Variants in PTK7 observed in about 807,000 individuals in gnomAD.
PTK7 encodes inactive tyrosine-protein kinase 7.
PTK7 carries 39 observed loss-of-function variants against 116.6 expected under a neutral mutation model. The observed-to-expected ratio is 0.33, with a 90% CI of 0.26 to 0.44. PTK7 has a LOEUF of 0.44. PTK7 is among the 20% of genes least tolerant of loss of function. PTK7 has a pLI of 1.00. For synonymous variants in PTK7, 546 were observed against 563.6 expected (o/e 0.97, Z 0.44); for missense variants, 1,169 against 1,425.6 (o/e 0.82, Z 2.90).
chr6:43,127,198 C>T (rs1038439832), intron 1 of PTK7, among the ~76,000 whole-genome samples: 1 of 152,228 alleles, frequency 6.6e-6, no homozygotes, highest in African/African-American at 2.4e-5. Context: ...CCTTGCCCAG[C>T]CAGTTTGGCT....
chr6:43,153,496 A>G (rs560935680), intron 17 of PTK7, among the ~76,000 whole-genome samples: 1 of 150,748 alleles, frequency 6.6e-6, no homozygotes, highest in East Asian at 2.0e-4. Context: ...TGCAGCCTCG[A>G]CCTGTGGAGC....
At chr6:43,108,613 G>T (rs1320181036) in intron 1 of PTK7, among the ~76,000 whole-genome samples, 2 of 152,168 alleles carry the variant, frequency 1.3e-5, no homozygotes, top group South Asian at 2.1e-4. Context: ...TGTTGCCCAG[G>T]CTGGTCTCGA....
intron 1 of PTK7, among the ~76,000 whole-genome samples, chr6:43,081,092 T>C (rs1766351630): frequency 6.6e-6 from 1 of 152,186 alleles, no homozygotes; most frequent in African/African-American, 2.4e-5. Context: ...CCAGCTGGAA[T>C]ATTTGCCATC....
At chr6:43,156,596 G>C (rs1442724568) in intron 17 of PTK7, among the ~76,000 whole-genome samples, 1 of 151,990 alleles carries the variant, frequency 6.6e-6, no homozygotes, top group East Asian at 1.9e-4. Flanking sequence ...GTGACAGAGT[G>C]AGACCCTATC....
rs1373442702 is a variant in PTK7 at position 43,129,603 on chromosome 6, G to A, written c.368-124G>A. On this transcript the variant is annotated intron_variant, in intron 2 of 19. Coordinates refer to ENST00000230419, the MANE Select transcript of PTK7 (RefSeq NM_002821.5). This position sits in a 1 kb window ranked among gnomAD's most constrained non-coding sequence, Gnocchi z 4.5. ...TGTAGCCCCAGCCTCAGCCTCCAGG[G>A]CTTCCTTGTGTCTGTTGGCACAGAG... 17 of 846,558 alleles carry A rather than the reference G, an allele frequency of 2.0e-5. No individual in the cohort carries two copies. The highest frequency in any genetic ancestry group is 2.9e-5 in the Non-Finnish European group (15 of 524,082). 52.4% of individuals were successfully genotyped at this position (846,558 alleles called of 1,614,324 possible). A position where few individuals can be genotyped will look rare whatever the true frequency, so the allele number is the denominator to read the frequency against.
intron 1 of PTK7, among the ~76,000 whole-genome samples, chr6:43,104,733 G>A (rs1467428565): frequency 6.7e-6 from 1 of 149,940 alleles, no homozygotes; most frequent in Non-Finnish European, 1.5e-5. Flanking sequence ...CAGCCACAAA[G>A]TATTATTTTA....
chr6:43,154,952 A>G (rs568369983), intron 17 of PTK7, among the ~76,000 whole-genome samples: 9 of 152,348 alleles, frequency 5.9e-5, no homozygotes, highest in East Asian at 1.9e-4. Flanking sequence ...GGGCCCCTCA[A>G]TGAAGCCAAG....
chr6:43,147,772 G>A (rs545989054), intron 17 of PTK7, among the ~76,000 whole-genome samples: 1 of 152,284 alleles, frequency 6.6e-6, no homozygotes, highest in South Asian at 2.1e-4. Context: ...CAAGTGACCT[G>A]GCCACCTGAC....
At chr6:43,133,617 G>T (rs1267189677) in intron 7 of PTK7, 2 of 152,216 alleles carry the variant, frequency 1.3e-5, no homozygotes, top group East Asian at 1.9e-4. Flanking sequence ...CAGGCATAGG[G>T]ATTTATTTGT....
rs1194029113 is a variant in PTK7, at chr6:43,129,127, G to A, written c.230G>A (p.Arg77Gln). 2 of 1,614,208 alleles carry A rather than the reference G, an allele frequency of 1.2e-6. No homozygotes were observed. The highest frequency in any genetic ancestry group is 2.2e-5 in the East Asian group (1 of 44,888). ...GGGGCCCCTGTCCAGGACACGGAGC[G>A]GCGTTTCGCCCAGGGCAGCAGCCTG... ...LDGAPVQDTE[R>Q]RFAQGSSLSF... The change falls in exon 2 of 20, where the codon CGG becomes CAG. Residue 77 changes from arginine to glutamine, a missense_variant. Arg to Gln is a conservative substitution (Grantham distance 43). Around this residue, in one of 3 missense-constraint regions of PTK7, gnomAD observed 487 missense variants for 549.8 expected, o/e 0.89. Transcript: ENST00000230419. The surrounding 1 kb of genome is among the most constrained non-coding windows in gnomAD (Gnocchi z 4.5).
At chr6:43,103,602 A>C (rs1767702001) in intron 1 of PTK7, among the ~76,000 whole-genome samples, 1 of 152,180 alleles carries the variant, frequency 6.6e-6, no homozygotes, top group Non-Finnish European at 1.5e-5. Flanking sequence ...GGCTGATGGA[A>C]GGAGGTGGAG....
intron 1 of PTK7, among the ~76,000 whole-genome samples, chr6:43,087,280 A>G (rs1282782884): frequency 3.9e-5 from 6 of 152,226 alleles, no homozygotes; most frequent in African/African-American, 1.4e-4. Flanking sequence ...TTGCAGATAC[A>G]GGCTCCTAGC....
At chr6:43,126,525 A>G (rs902528443) in intron 1 of PTK7, among the ~76,000 whole-genome samples, 1 of 152,210 alleles carries the variant, frequency 6.6e-6, no homozygotes, top group Non-Finnish European at 1.5e-5. Context: ...CATTGTCTGC[A>G]AGAGGTGTGT....
intron 17 of PTK7, among the ~76,000 whole-genome samples, chr6:43,157,612 G>A (rs1771586900): frequency 6.6e-6 from 1 of 151,776 alleles, no homozygotes; most frequent in South Asian, 2.1e-4. Context: ...CAGGCATGGT[G>A]CCACTCACCT....
intron 1 of PTK7, among the ~76,000 whole-genome samples, chr6:43,104,808 C>CTTTTT (rs35126838): frequency 8.8e-5 from 9 of 102,842 alleles, no homozygotes; most frequent in Non-Finnish European, 1.3e-4. Context: ...ATTAGCACAA[C>CTTTTT]TTTTTTTTTT....
At chr6:43,131,633 G>A (rs1175667664) in intron 5 of PTK7, 2 of 301,908 alleles carry the variant, frequency 6.6e-6, no homozygotes, top group Admixed American at 4.8e-5. Context: ...AGAACAGCAC[G>A]GGAAAGACTT....
chr6:43,130,794 G>A, intron 5 of PTK7, 133 bp downstream of exon 5: 1 of 1,299,608 alleles, frequency 7.7e-7, no homozygotes. Context: ...AGACACAGTT[G>A]AATGTTTTGC....
chr6:43,142,268 C>T lies in PTK7; in HGVS notation c.2016C>T (p.Ile672=). The part of the protein sequence containing the change: ...YTCIAGNSCN[I]KHTEAPLYVV... ...GCATTGCAGGCAACAGCTGCAACAT[C>T]AAGCACACGGAGGCCCCCCTCTATG... Residue 672 remains isoleucine (I), a synonymous_variant, in exon 13 of 20, where the codon ATC becomes ATT. Transcript: ENST00000230419. 6.2e-7 allele frequency: 1 copy of T among 1,614,232 alleles called. No individual in the cohort carries two copies. Among genetic ancestry groups the T allele is most frequent in the Non-Finnish European group, 8.5e-7 (1 of 1,180,046 alleles).
Position 43,145,451 on chromosome 6 carries a change from A to G in PTK7, c.2640+19A>G. On this transcript the variant is annotated intron_variant, in intron 16 of 19. Transcript: ENST00000230419. The surrounding 1 kb of genome is among the most constrained non-coding windows in gnomAD (Gnocchi z 4.8). Reference sequence around the variant, plus strand: ...GGATCTGGTATGCTGTTGGCAGGGGACGTGGGGGTCTCGGGTAGGGAGGGC... The same window carrying G: ...GGATCTGGTATGCTGTTGGCAGGGGGCGTGGGGGTCTCGGGTAGGGAGGGC... The G allele has an allele frequency of 6.6e-7, 1 of 1,513,582 alleles. No individual in the cohort carries two copies. Among genetic ancestry groups the G allele is most frequent in the Non-Finnish European group, 8.9e-7 (1 of 1,121,132 alleles). 93.8% of individuals were successfully genotyped at this position (1,513,582 alleles called of 1,614,324 possible). A position where few individuals can be genotyped will look rare whatever the true frequency, so the allele number is the denominator to read the frequency against.
Sources: gnomAD v4.1 joint callset for allele counts (sites outside exome capture counted in the v4.1 genomes callset) on GRCh38, gnomAD v4.1.1 for gene constraint, gnomAD v4.1.1 regional missense constraint, Gnocchi (gnomAD v3.1) non-coding constraint, MANE v1.5 for transcripts, NCBI Gene and HGNC (gene_info 2026-07-23, HGNC 2026-07-21) for gene names.